The following LRP1B variants were observed in gnomAD, a reference collection of about 807,000 sequenced individuals.
The protein encoded by LRP1B is LDL receptor related protein 1B.
In LRP1B, 217 loss-of-function variants were observed where a neutral mutation model predicts 556.6. The observed-to-expected ratio is 0.39, with a 90% CI of 0.35 to 0.44. LRP1B has a LOEUF of 0.44. LRP1B is among the 20% of genes least tolerant of loss of function. The probability of loss-of-function intolerance (pLI) is 1.00; values close to 1 mark genes in which losing one functional copy is unlikely to be tolerated. For missense variants in LRP1B, 5,053 were observed against 5,620.8 expected, an observed-to-expected ratio of 0.90 and a Z score of 3.23; for synonymous variants, 2,047 against 1,865.8, an observed-to-expected ratio of 1.10 and a Z score of -2.50.
intron 20 of LRP1B, 111 bp from the exon 21 acceptor site, chr2:140,923,258 A>AT (rs1573883744): frequency 2.7e-6 from 2 of 729,182 alleles, no homozygotes; most frequent in East Asian, 5.4e-5. Flanking sequence ...TTCAGGCATT[A>AT]TTATAATGCT....
chr2:140,878,538 A>C (rs1693377734), intron 25 of LRP1B, among the ~76,000 whole-genome samples: 1 of 152,148 alleles, frequency 6.6e-6, no homozygotes, highest in African/African-American at 2.4e-5. Flanking sequence ...ATCTCACTTC[A>C]ATTTAATTTT....
At chr2:142,113,671 G>A (rs1707085857) in intron 1 of LRP1B, among the ~76,000 whole-genome samples, 1 of 151,984 alleles carries the variant, frequency 6.6e-6, no homozygotes, top group Non-Finnish European at 1.5e-5. Context: ...TTGAAACAGT[G>A]GAGATCCTAG....
intron 31 of LRP1B, among the ~76,000 whole-genome samples, chr2:140,828,789 CAAAAAAAAAAAAA>C (rs57621380): frequency 1.3e-4 from 1 of 7,968 alleles, no homozygotes; most frequent in African/African-American, 3.0e-4. Flanking sequence ...GACTCCGTCT[CAAAAAAAAAAAAA>C]AAAAAAAAAA....
chr2:141,032,811 G>GTATATATATACATACATATATATA (rs1553449059), intron 11 of LRP1B, among the ~76,000 whole-genome samples: 1 of 79,120 alleles, frequency 1.3e-5, no homozygotes, highest in Non-Finnish European at 2.7e-5. Context: ...ATGTGTGTGT[G>GTATATATATACATACATATATATA]TATATATATA....
intron 2 of LRP1B, among the ~76,000 whole-genome samples, chr2:141,635,067 C>CACACACA: frequency 6.6e-6 from 1 of 150,930 alleles, no homozygotes. Context: ...CACACACACA[C>CACACACA]CAAGTAAGCT....
Position 140,989,627 on chromosome 2 carries a change from T to A in LRP1B, c.2675A>T (p.Lys892Ile), listed in dbSNP as rs2105353005. The A allele has an allele frequency of 6.2e-7, 1 of 1,613,178 alleles. No individual in the cohort carries two copies. The highest frequency in any genetic ancestry group is 8.5e-7 in the Non-Finnish European group (1 of 1,179,388). The change falls in exon 17 of 91, where the codon AAA becomes ATA. Residue 892 changes from lysine to isoleucine, a missense_variant. Coordinates refer to ENST00000389484, the MANE Select transcript of LRP1B (RefSeq NM_018557.3). ...FNHSCPDDQF[K>I]CQNNRCIPKR... ...GGGGATGCAGCGATTATTCTGGCAT[T>A]TAAACTGATCATCAGGACAGCTATG...
chr2:141,154,247 A>G (rs1702011823), intron 7 of LRP1B, among the ~76,000 whole-genome samples: 1 of 151,910 alleles, frequency 6.6e-6, no homozygotes, highest in African/African-American at 2.4e-5. Flanking sequence ...TCAACAATAA[A>G]CATCTCACAT....
At chr2:141,799,246 A>G (rs1695924445) in intron 2 of LRP1B, among the ~76,000 whole-genome samples, 1 of 152,114 alleles carries the variant, frequency 6.6e-6, no homozygotes, top group Admixed American at 6.5e-5. Flanking sequence ...GCATAATGTG[A>G]TATCATTCTT....
chr2:141,895,270 A>T (rs945682161), intron 1 of LRP1B, among the ~76,000 whole-genome samples: 1 of 152,160 alleles, frequency 6.6e-6, no homozygotes, highest in Non-Finnish European at 1.5e-5. Context: ...GCAAAGGCTG[A>T]GTCTATGAGG....
At chr2:141,497,996 C>T (rs1174696214) in intron 2 of LRP1B, among the ~76,000 whole-genome samples, 1 of 151,794 alleles carries the variant, frequency 6.6e-6, no homozygotes, top group Admixed American at 6.6e-5. Context: ...ACGTTAGTAT[C>T]TAAATATTGT....
intron 3 of LRP1B, among the ~76,000 whole-genome samples, chr2:141,470,811 A>G (rs1016210166): frequency 6.6e-6 from 1 of 152,256 alleles, no homozygotes; most frequent in African/African-American, 2.4e-5. Context: ...ACTTTTGAAT[A>G]ATATTAAAAC....
At chr2:140,787,588 T>TTTTTTTTTA (rs1689952927) in intron 32 of LRP1B, among the ~76,000 whole-genome samples, 1 of 86,578 alleles carries the variant, frequency 1.2e-5, no homozygotes, top group African/African-American at 3.9e-5. Context: ...TTTTTTTTTT[T>TTTTTTTTTA]GAGACAGGTT....
chr2:141,497,515 T>C (rs1683550350), intron 2 of LRP1B, among the ~76,000 whole-genome samples: 1 of 152,058 alleles, frequency 6.6e-6, no homozygotes, highest in South Asian at 2.1e-4. Flanking sequence ...TACCGGGTTT[T>C]TTCTCCTACA....
chr2:141,051,428 G>T (rs182794214), intron 10 of LRP1B, among the ~76,000 whole-genome samples: 1 of 151,882 alleles, frequency 6.6e-6, no homozygotes, highest in African/African-American at 2.4e-5. Context: ...CATATACGCC[G>T]TGGAATACTA....
chr2:141,546,749 A>G (rs1264987381), intron 2 of LRP1B, among the ~76,000 whole-genome samples: 1 of 152,178 alleles, frequency 6.6e-6, no homozygotes, highest in Non-Finnish European at 1.5e-5. Flanking sequence ...TTTAATCTTT[A>G]TCCTCCTTAA....
intron 66 of LRP1B, among the ~76,000 whole-genome samples, chr2:140,437,995 G>A (rs1299739904): frequency 6.6e-6 from 1 of 152,038 alleles, no homozygotes; most frequent in African/African-American, 2.4e-5. Context: ...TATAACAAGT[G>A]TATATGTGTG....
chr2:141,604,648 G>A (rs541203778), intron 2 of LRP1B, among the ~76,000 whole-genome samples: 1 of 152,100 alleles, frequency 6.6e-6, no homozygotes, highest in African/African-American at 2.4e-5. Flanking sequence ...CCACTTTTGA[G>A]TGGTGCCTTC....
chr2:141,460,496 T>C (rs757034781), intron 3 of LRP1B, among the ~76,000 whole-genome samples: 3 of 152,188 alleles, frequency 2.0e-5, no homozygotes, highest in African/African-American at 7.2e-5. Flanking sequence ...TTGGAGGAGT[T>C]TACGTTTCAT....
rs183282299 is a variant in LRP1B, at chr2:141,096,885, C to T, written c.1014-34612G>A. On this transcript the variant is annotated intron_variant, in intron 7 of 90. Transcript: ENST00000389484. ...CCTGTAGAAAGTGTGTAGTTAATGA[C>T]AGGTCACATGAAGTAAGGTCAGAAA... Among the ~76,000 whole-genome samples, 758 of 152,162 alleles carry T rather than the reference C, an allele frequency of 5.0e-3. 2 individuals carry two copies. Among genetic ancestry groups the T allele is most frequent in the South Asian group, 0.019 (93 of 4,816 alleles).
Sources: gnomAD v4.1 joint callset for allele counts (sites outside exome capture counted in the v4.1 genomes callset) on GRCh38, gnomAD v4.1.1 for gene constraint, MANE v1.5 for transcripts, NCBI Gene and HGNC (gene_info 2026-07-23, HGNC 2026-07-21) for gene names.